The following EMP2 variants were observed in gnomAD, a reference collection of about 807,000 sequenced individuals.
EMP2 encodes the protein epithelial membrane protein 2.
A neutral mutation model predicts 13.7 loss-of-function variants in EMP2; 19 were observed. That is an observed-to-expected ratio of 1.38 (90% CI 0.97 to 2.03). The LOEUF is 2.03. EMP2 is among the 30% of genes most tolerant of loss of function. EMP2 has a pLI of 0.00. For missense variants in EMP2, 253 were observed against 220.7 expected (o/e 1.15, Z -0.93); for synonymous variants, 97 against 84.7 (o/e 1.15, Z -0.80).
At chr16:10,569,645 G>A (rs1157794452) in intron 1 of EMP2, among the ~76,000 whole-genome samples, 4 of 152,114 alleles carry the variant, frequency 2.6e-5, no homozygotes, top group East Asian at 1.9e-4. Context: ...CATGCATTAC[G>A]CTGTAAATGG....
At chr16:10,546,415 G>A (rs770524341) in intron 2 of EMP2, 1 of 152,190 alleles carries the variant, frequency 6.6e-6, no homozygotes, top group Non-Finnish European at 1.5e-5. Flanking sequence ...TATGCCAAGA[G>A]GTTATTTATC....
At chr16:10,562,401 T>C (rs973650379) in intron 1 of EMP2, among the ~76,000 whole-genome samples, 7 of 151,354 alleles carry the variant, frequency 4.6e-5, no homozygotes, top group Middle Eastern at 3.4e-3. Flanking sequence ...TCTCTCTCTA[T>C]CTCTATCTCT....
In EMP2 at chr16:10,556,919, G is replaced by A. The variant is rs111437563; in HGVS notation, c.-60-9242C>T. Among the ~76,000 whole-genome samples the A allele has an allele frequency of 8.3e-3, 1,262 of 152,290 alleles. 21 individuals carry two copies. Among genetic ancestry groups the A allele is most frequent in the African/African-American group, 0.029 (1,206 of 41,552 alleles). The stretch of plus-strand genomic sequence containing the variant: ...CAACCTAATTAAGATCAGCAGAGAG[G>A]GCACAAGGCAGTATCAAATCATCTT... On this transcript the variant is annotated intron_variant, in intron 1 of 4. Transcript: ENST00000359543.
chr16:10,553,811 T>C lies in EMP2; in HGVS notation c.-60-6134A>G, dbSNP rs530781752. Among the ~76,000 whole-genome samples the C allele has an allele frequency of 1.2e-4, 18 of 152,384 alleles. No individual in the cohort carries two copies. In the East Asian group the frequency reaches 3.3e-3, roughly 28 times the overall value. ...GACTTTCTGCGGCTCCATACGGCAC[T>C]GCCAACGAGCAACCTTCCACTTATT... On this transcript the variant is annotated intron_variant, in intron 1 of 4. Coordinates refer to ENST00000359543, the MANE Select transcript of EMP2 (RefSeq NM_001424.6).
chr16:10,547,204 C>T (rs1430702736), intron 2 of EMP2: 8 of 194,174 alleles, frequency 4.1e-5, no homozygotes, highest in African/African-American at 7.0e-5. Flanking sequence ...GGGAGGGACC[C>T]GGTGGGAGGT....
chr16:10,556,244 G>T lies in EMP2; in HGVS notation c.-60-8567C>A, dbSNP rs550403824. Among the ~76,000 whole-genome samples, 8 of 151,480 alleles carry T rather than the reference G, an allele frequency of 5.3e-5. No individual in the cohort carries two copies. The South Asian group carries it at 1.0e-3, about 20-fold the overall frequency. On this transcript the variant is annotated intron_variant, in intron 1 of 4. Coordinates refer to ENST00000359543, the MANE Select transcript of EMP2 (RefSeq NM_001424.6). ...CATCTTTCCTTCCTTCTTGTCTGTGGTTCCATCTATTTTCCATATTGCTTC... is the reference window on the plus strand; with the variant it reads ...CATCTTTCCTTCCTTCTTGTCTGTGTTTCCATCTATTTTCCATATTGCTTC...
rs2050616449 is a variant in EMP2 at position 10,532,773 on chromosome 16, T to TTTTTC, written c.*131_*132insGAAAA. 2.7e-6 allele frequency: 1 copy of TTTTTC among 372,846 alleles called. No individual in the cohort carries two copies. The highest frequency in any genetic ancestry group is 5.7e-5 in the Admixed American group (1 of 17,442). 23.1% of individuals were successfully genotyped at this position (372,846 alleles called of 1,614,324 possible). ...TTTCTTTTTTCTTTTTTTTTTTTTT[T>TTTTTC]TTTTTTTTTTTTTGGCTTTTAAAGG... On this transcript the variant is annotated 3_prime_UTR_variant, in exon 5 of 5. Coordinates refer to ENST00000359543, the MANE Select transcript of EMP2 (RefSeq NM_001424.6).
chr16:10,579,299 C>T (rs558789785), intron 1 of EMP2, among the ~76,000 whole-genome samples: 19 of 152,126 alleles, frequency 1.2e-4, no homozygotes, highest in African/African-American at 4.1e-4. Flanking sequence ...AATAATGTGT[C>T]GGTTCTTAGA....
At chr16:10,542,777 T>C (rs1165915759) in intron 3 of EMP2, among the ~76,000 whole-genome samples, 2 of 152,260 alleles carry the variant, frequency 1.3e-5, no homozygotes, top group Admixed American at 1.3e-4. Context: ...GTTCTACAGC[T>C]GAGGATGTTG....
intron 1 of EMP2, among the ~76,000 whole-genome samples, chr16:10,561,999 G>A (rs2050874506): frequency 6.6e-6 from 1 of 152,202 alleles, no homozygotes; most frequent in Non-Finnish European, 1.5e-5. Flanking sequence ...AACACTTAAG[G>A]AAGAATAATA....
chr16:10,574,328 C>G (rs1298353990), intron 1 of EMP2, among the ~76,000 whole-genome samples: 1 of 152,146 alleles, frequency 6.6e-6, no homozygotes, highest in African/African-American at 2.4e-5. Context: ...TATTTCTCAC[C>G]TATCATTGGA....
chr16:10,531,737 T>C lies in EMP2; in HGVS notation c.*1168A>G, dbSNP rs2050604499. ...GTGCCTGGCACATGCATGCAAGTTA[T>C]GATTTATGTTGATGAATGAATGAAT... is the stretch of plus-strand genomic sequence containing the variant. On this transcript the variant is annotated 3_prime_UTR_variant, in exon 5 of 5. Coordinates refer to ENST00000359543, the MANE Select transcript of EMP2 (RefSeq NM_001424.6). 6.9e-6 allele frequency: 1 copy of C among 145,928 alleles called. No individual in the cohort carries two copies. The highest frequency in any genetic ancestry group is 1.5e-5 in the Non-Finnish European group (1 of 66,660). The allele number at this position is 145,928 out of a possible 1,614,324, so 9.0% of individuals were successfully genotyped here.
At chr16:10,578,346 A>G (rs987756892) in intron 1 of EMP2, among the ~76,000 whole-genome samples, 2 of 152,192 alleles carry the variant, frequency 1.3e-5, no homozygotes, top group Non-Finnish European at 2.9e-5. Flanking sequence ...AGAGGCAGAG[A>G]AAAGATACTG....
rs560396157 is a variant in EMP2 at position 10,540,280 on chromosome 16, T to C, written c.170-2206A>G. On this transcript the variant is annotated intron_variant, in intron 3 of 4. Transcript: ENST00000359543. ...CAGCACTATGGGAGGCAGAGGCAGG[T>C]GGATCACCTGAGGTCAGGAGTTTGA... Among the ~76,000 whole-genome samples, 18 of 152,112 alleles carry C rather than the reference T, an allele frequency of 1.2e-4. No individual in the cohort carries two copies. The East Asian group carries it at 3.1e-3, about 26-fold the overall frequency.
chr16:10,578,539 T>G (rs2142217696), intron 1 of EMP2, among the ~76,000 whole-genome samples: 1 of 152,230 alleles, frequency 6.6e-6, no homozygotes. Context: ...CCAGAGCGGG[T>G]GCACCCCCTC....
intron 2 of EMP2, chr16:10,545,073 C>T (rs931226250): frequency 1.3e-5 from 2 of 152,140 alleles, no homozygotes; most frequent in African/African-American, 2.4e-5. Context: ...CTCAGACTCA[C>T]CGATGGACAA....
intron 1 of EMP2, among the ~76,000 whole-genome samples, chr16:10,572,541 T>C (rs2050955594): frequency 6.6e-6 from 1 of 152,294 alleles, no homozygotes; most frequent in South Asian, 2.1e-4. Flanking sequence ...GAGTCCATCT[T>C]TGTTCACTAC....
intron 1 of EMP2, among the ~76,000 whole-genome samples, chr16:10,569,753 A>C (rs1170279729): frequency 1.3e-5 from 2 of 152,226 alleles, no homozygotes; most frequent in Non-Finnish European, 2.9e-5. Flanking sequence ...TACAGGAGTC[A>C]TTTCCAAATG....
At chr16:10,570,554 C>T (rs188880565) in intron 1 of EMP2, among the ~76,000 whole-genome samples, 2 of 152,258 alleles carry the variant, frequency 1.3e-5, no homozygotes, top group East Asian at 1.9e-4. Context: ...TGTGCCACCA[C>T]ACCTGGCTAA....
Sources: gnomAD v4.1 joint callset for allele counts (sites outside exome capture counted in the v4.1 genomes callset) on GRCh38, gnomAD v4.1.1 for gene constraint, MANE v1.5 for transcripts, NCBI Gene and HGNC (gene_info 2026-07-23, HGNC 2026-07-21) for gene names.